The following JPH2 variants were observed in gnomAD, a reference collection of about 807,000 sequenced individuals.
The protein encoded by JPH2 is junctophilin-2.
Under a neutral mutation model 55.9 loss-of-function variants are expected in JPH2, and 38 were observed. That is an observed-to-expected ratio of 0.68 (90% confidence interval 0.52 to 0.89). The LOEUF is 0.89. Among genes scored for constraint, JPH2 ranks in the 40% least tolerant of loss-of-function variants. JPH2 has a pLI of 0.00. For missense variants in JPH2, 964 were observed against 1,037.6 expected (o/e 0.93, Z 0.97); for synonymous variants, 480 against 472.4 (o/e 1.02, Z -0.21).
intron 1 of JPH2, among the ~76,000 whole-genome samples, chr20:44,181,358 T>C (rs1334733431): frequency 1.3e-5 from 2 of 152,206 alleles, no homozygotes; most frequent in African/African-American, 4.8e-5. Flanking sequence ...ACATTGTGTG[T>C]GTGCATATAT....
intron 1 of JPH2, among the ~76,000 whole-genome samples, chr20:44,184,049 T>C (rs144177061): frequency 0.029 from 4,371 of 150,768 alleles, 219 homozygotes; most frequent in African/African-American, 0.094. Flanking sequence ...CCCAGCTACT[T>C]GGGAGGCTGA....
chr20:44,160,368 C>A lies in JPH2; in HGVS notation c.419G>T (p.Gly140Val). The change falls in exon 2 of 6, where the codon GGC (glycine) becomes GTC (valine). Residue 140 changes from glycine to valine, a missense_variant. Physicochemically the swap from Gly to Val is moderately radical, Grantham distance 109 (BLOSUM62 -3). Transcript: ENST00000372980. This position sits in a 1 kb window ranked among gnomAD's most constrained non-coding sequence, Gnocchi z 4.9. The part of the protein sequence containing the change: ...QGQFTNGMRH[G>V]YGVRQSVPYG... ...GGGCACGCTCTGGCGTACTCCGTAG[C>A]CATGGCGCATGCCGTTGGTGAACTG... The A allele has an allele frequency of 6.2e-7, 1 of 1,606,188 alleles. No individual in the cohort carries two copies. The highest frequency in any genetic ancestry group is 1.3e-5 in the African/African-American group (1 of 74,918).
chr20:44,158,651 G>A (rs1370990896), intron 2 of JPH2, among the ~76,000 whole-genome samples: 3 of 152,212 alleles, frequency 2.0e-5, no homozygotes, highest in African/African-American at 7.2e-5. Context: ...GAATGTAGAT[G>A]ATAGGGTGGG....
chr20:44,116,134 C>G lies in JPH2; in HGVS notation c.1541G>C (p.Gly514Ala). 6.9e-7 allele frequency: 1 copy of G among 1,443,200 alleles called. No homozygotes were observed. The allele number at this position is 1,443,200 out of a possible 1,614,324, so 89.4% of individuals were successfully genotyped here. Reference protein sequence around the residue: ...DGLLSPGAWNGEPSGEGSRSV... With the variant: ...DGLLSPGAWNAEPSGEGSRSV... ...CCGGCTGCCCTCACCGCTGGGCTCG[C>G]CGTTCCAGGCGCCTGGGCTCAGCAG... The change falls in exon 4 of 6, where the codon GGC becomes GCC. Residue 514 changes from glycine (G) to alanine (A), a missense_variant. Coordinates refer to ENST00000372980, the MANE Select transcript of JPH2 (RefSeq NM_020433.5).
intron 2 of JPH2, among the ~76,000 whole-genome samples, chr20:44,151,479 T>C (rs980808868): frequency 6.6e-6 from 1 of 151,956 alleles, no homozygotes; most frequent in Non-Finnish European, 1.5e-5. Flanking sequence ...ATCATGCCAT[T>C]GCACTCCAGT....
At chr20:44,154,489 A>C (rs1277638980) in intron 2 of JPH2, among the ~76,000 whole-genome samples, 1 of 152,218 alleles carries the variant, frequency 6.6e-6, no homozygotes, top group Non-Finnish European at 1.5e-5. Flanking sequence ...ACCATACTGG[A>C]CAGCCCAGGT....
intron 5 of JPH2, 78 bp downstream of exon 5, chr20:44,114,704 C>G (rs2072173788): frequency 1.9e-6 from 2 of 1,067,838 alleles, no homozygotes; most frequent in South Asian, 2.7e-5. Context: ...GAGTAGGTCC[C>G]TCCTCCCACC....
chr20:44,151,018 A>G (rs1464526046), intron 2 of JPH2, among the ~76,000 whole-genome samples: 1 of 152,176 alleles, frequency 6.6e-6, no homozygotes, highest in African/African-American at 2.4e-5. Flanking sequence ...CAACAAAGCA[A>G]GACCCTATCT....
chr20:44,185,719 G>A (rs142035590), intron 1 of JPH2, among the ~76,000 whole-genome samples: 1,980 of 149,110 alleles, frequency 0.013, 18 homozygotes, highest in South Asian at 0.018. Flanking sequence ...AGATGGATGG[G>A]TGGATGGGCA....
At chr20:44,181,309 C>T (rs182132198) in intron 1 of JPH2, among the ~76,000 whole-genome samples, 1 of 152,360 alleles carries the variant, frequency 6.6e-6, no homozygotes, top group African/African-American at 2.4e-5. Context: ...GCAAAACACA[C>T]ATACATGCAG....
In JPH2 at chr20:44,160,395, C is replaced by T; in HGVS notation, c.392G>A (p.Gly131Asp). Residue 131 changes from glycine (G) to aspartate (D), a missense_variant, in exon 2 of 6, where the codon GGC (glycine) becomes GAC (aspartate). Physicochemically the swap from Gly to Asp is moderately conservative, Grantham distance 94 (BLOSUM62 -1). Transcript: ENST00000372980. The surrounding 1 kb of genome is among the most constrained non-coding windows in gnomAD (Gnocchi z 4.9). ...ETYADGGTYQGQFTNGMRHGY... is the reference protein window; with the variant it reads ...ETYADGGTYQDQFTNGMRHGY... ...ATGGCGCATGCCGTTGGTGAACTGGCCTTGGTACGTCCCTGCGGGCGAGGA... is the reference window on the plus strand; with the variant it reads ...ATGGCGCATGCCGTTGGTGAACTGGTCTTGGTACGTCCCTGCGGGCGAGGA... 1 of 1,609,320 alleles carries T rather than the reference C, an allele frequency of 6.2e-7. No homozygotes were observed.
chr20:44,115,888 G>A lies in JPH2; in HGVS notation c.1787C>T (p.Pro596Leu), dbSNP rs1376826403. 7 of 1,580,362 alleles carry A rather than the reference G, an allele frequency of 4.4e-6. No homozygotes were observed. In the Admixed American group the frequency reaches 8.7e-5, roughly 20 times the overall value. ...EPEVSGSESA[P>L]SSPATAPLQA... ...CAGCGGGGCGGTGGCCGGGGACGAG[G>A]GCGCGGACTCGGACCCGGAGACCTC... Residue 596 changes from proline (P) to leucine (L), a missense_variant, in exon 4 of 6, where the codon CCC (proline) becomes CTC (leucine). Physicochemically the swap from Pro to Leu is moderately conservative, Grantham distance 98 (BLOSUM62 -3). Transcript: ENST00000372980.
intron 2 of JPH2, among the ~76,000 whole-genome samples, chr20:44,123,594 C>T (rs945443368): frequency 1.4e-4 from 22 of 152,206 alleles, no homozygotes; most frequent in African/African-American, 4.6e-4. Context: ...CAGCAGCTCA[C>T]GGGGTGAAGG....
intron 1 of JPH2, among the ~76,000 whole-genome samples, chr20:44,171,000 C>G (rs2072693127): frequency 2.0e-5 from 3 of 152,268 alleles, no homozygotes; most frequent in Admixed American, 2.0e-4. Flanking sequence ...TCCTCCCTGC[C>G]CCCCACTTCA....
chr20:44,160,279 G>C lies in JPH2; in HGVS notation c.508C>G (p.His170Asp). The C allele has an allele frequency of 1.3e-6, 2 of 1,536,558 alleles. No homozygotes were observed. The highest frequency in any genetic ancestry group is 1.2e-5 in the South Asian group (1 of 83,896). The change falls in exon 2 of 6, where the codon CAC becomes GAC. Residue 170 changes from histidine to aspartate, a missense_variant. Transcript: ENST00000372980. This position sits in a 1 kb window ranked among gnomAD's most constrained non-coding sequence, Gnocchi z 4.9. Reference sequence around the variant, plus strand: ...TCCGGGGCCACCGTGCCGTTGCTGTGCTCGCTGCGCAGGGACGACAGCGAC... The same window carrying C: ...TCCGGGGCCACCGTGCCGTTGCTGTCCTCGCTGCGCAGGGACGACAGCGAC... ...RTSLSSLRSEHSNGTVAPDSP... is the reference protein window; with the variant it reads ...RTSLSSLRSEDSNGTVAPDSP...
intron 1 of JPH2, among the ~76,000 whole-genome samples, chr20:44,164,356 G>A (rs2072638982): frequency 6.6e-6 from 1 of 152,166 alleles, no homozygotes; most frequent in Non-Finnish European, 1.5e-5. Context: ...CCTTGGGCAA[G>A]TTCCTTCTTT....
intron 4 of JPH2, 69 bp downstream of exon 4, chr20:44,115,596 G>A: frequency 4.4e-6 from 7 of 1,602,974 alleles, no homozygotes; most frequent in Non-Finnish European, 6.0e-6. Context: ...CCCTGCCCCT[G>A]AATCCTCCCT....
chr20:44,133,844 T>G, intron 2 of JPH2, among the ~76,000 whole-genome samples: 1 of 125,224 alleles, frequency 8.0e-6, no homozygotes, highest in Non-Finnish European at 1.6e-5. Context: ...TTATTATAAA[T>G]ATATATAAAT....
In JPH2 at chr20:44,134,067, ATATAAATATATATTTAT is replaced by A. The variant is rs1311061861; in HGVS notation, c.1170-15461_1170-15445del. ...ATATAAATATATATTTATTATAAAT[ATATAAATATATATTTAT>A]TATAAATATATATTTATTATAAATA... is the stretch of plus-strand genomic sequence containing the variant. On this transcript the variant is annotated intron_variant, in intron 2 of 5. Coordinates refer to ENST00000372980, the MANE Select transcript of JPH2 (RefSeq NM_020433.5). Among the ~76,000 whole-genome samples, 5 of 26,398 alleles carry A rather than the reference ATATAAATATATATTTAT, an allele frequency of 1.9e-4. 2 individuals carry two copies. Among genetic ancestry groups the A allele is most frequent in the Non-Finnish European group, 3.0e-4 (5 of 16,496 alleles). The allele number at this position is 26,398 out of a possible 152,430, so 17.3% of individuals were successfully genotyped here.
Sources: allele counts gnomAD v4.1 joint callset (sites outside exome capture counted in the v4.1 genomes callset), GRCh38; gene constraint gnomAD v4.1.1; non-coding constraint Gnocchi (gnomAD v3.1); transcripts MANE v1.5; gene names NCBI Gene and HGNC (gene_info 2026-07-23, HGNC 2026-07-21).